Variants in TMOD1 observed in about 807,000 individuals in gnomAD.
The protein encoded by TMOD1 is tropomodulin 1, also known as tropomodulin-1.
TMOD1 carries 17 observed loss-of-function variants against 40.6 expected under a neutral mutation model. The observed-to-expected ratio is 0.42, with a 90% CI of 0.29 to 0.63. The LOEUF (loss-of-function observed/expected upper bound fraction) is 0.63, where lower values mean the gene tolerates loss of function less well. Ranked by LOEUF, TMOD1 falls within the 20% of genes least tolerant of loss-of-function variation. TMOD1 has a pLI of 0.22. For synonymous variants in TMOD1, 181 were observed against 175.0 expected, an observed-to-expected ratio of 1.03 and a Z score of -0.27; for missense variants, 391 against 447.6, an observed-to-expected ratio of 0.87 and a Z score of 1.14.
intron 4 of TMOD1, chr9:97,555,835 A>G: frequency 1.2e-6 from 1 of 824,962 alleles, no homozygotes; most frequent in African/African-American, 1.7e-5. Flanking sequence ...GCCTTGCCCA[A>G]AGGGTTTAAA....
At position 97,501,738 on chromosome 9, in the gene TMOD1, A is replaced by G. The variant is rs1367180237; in HGVS notation, c.-114A>G. ...AGCACCGCGGCCTCCGCCCGCGTCC[A>G]TCTGCCCGCCGCCCGCGCCTGTTCC... On this transcript the variant is annotated 5_prime_UTR_variant, in exon 1 of 10. Coordinates refer to ENST00000259365, the MANE Select transcript of TMOD1 (RefSeq NM_003275.4). 1 of 150,766 alleles carries G rather than the reference A, an allele frequency of 6.6e-6. No individual in the cohort carries two copies. The highest frequency in any genetic ancestry group is 2.5e-5 in the African/African-American group (1 of 40,748). The allele number at this position is 150,766 out of a possible 1,614,324, so 9.3% of individuals were successfully genotyped here. A position where few individuals can be genotyped will look rare whatever the true frequency, so the allele number is the denominator to read the frequency against.
At chr9:97,583,492 G>C (rs1353547961) in intron 8 of TMOD1, among the ~76,000 whole-genome samples, 1 of 151,214 alleles carries the variant, frequency 6.6e-6, no homozygotes, top group Non-Finnish European at 1.5e-5. Flanking sequence ...CCTGGCTTTG[G>C]TATCAGAATG....
chr9:97,527,782 G>A (rs969128634), intron 2 of TMOD1, among the ~76,000 whole-genome samples: 2 of 152,228 alleles, frequency 1.3e-5, no homozygotes, highest in Non-Finnish European at 2.9e-5. Context: ...GTGTCAGGGA[G>A]ATGGGTGAGA....
intron 2 of TMOD1, among the ~76,000 whole-genome samples, chr9:97,529,230 A>C (rs1830062234): frequency 6.6e-6 from 1 of 152,326 alleles, no homozygotes; most frequent in African/African-American, 2.4e-5. Flanking sequence ...GCAGAAGTCC[A>C]GGTTCCAGTC....
At chr9:97,578,046 A>G (rs779585120) in intron 8 of TMOD1, among the ~76,000 whole-genome samples, 2 of 152,054 alleles carry the variant, frequency 1.3e-5, no homozygotes, top group Non-Finnish European at 2.9e-5. Context: ...AGATGCAGGT[A>G]TGAAGCTTCT....
At chr9:97,589,449 T>G (rs1825955524) in intron 8 of TMOD1, among the ~76,000 whole-genome samples, 1 of 150,640 alleles carries the variant, frequency 6.6e-6, no homozygotes, top group African/African-American at 2.4e-5. Context: ...TTTTTGTATT[T>G]TTTTTTTTTT....
intron 2 of TMOD1, among the ~76,000 whole-genome samples, chr9:97,533,503 C>T (rs1387948803): frequency 6.6e-6 from 1 of 152,212 alleles, no homozygotes; most frequent in African/African-American, 2.4e-5. Flanking sequence ...TGAATAATGT[C>T]CTTGGCTTAG....
chr9:97,574,977 C>G (rs1007987897), intron 8 of TMOD1, among the ~76,000 whole-genome samples: 1 of 152,180 alleles, frequency 6.6e-6, no homozygotes, highest in Non-Finnish European at 1.5e-5. Context: ...TAAAATGGAC[C>G]AATCAGCAGG....
intron 1 of TMOD1, among the ~76,000 whole-genome samples, chr9:97,505,115 C>T (rs1045602037): frequency 1.3e-5 from 2 of 152,182 alleles, no homozygotes; most frequent in African/African-American, 2.4e-5. Context: ...ACTTAGGACA[C>T]GGTCTGGGAG....
chr9:97,514,809 G>A (rs1198895320), intron 1 of TMOD1, among the ~76,000 whole-genome samples: 1 of 152,250 alleles, frequency 6.6e-6, no homozygotes, highest in African/African-American at 2.4e-5. Flanking sequence ...AAAGGATTGT[G>A]TTGCGGCAGC....
At chr9:97,565,203 C>T (rs987565189) in intron 6 of TMOD1, among the ~76,000 whole-genome samples, 54 of 152,232 alleles carry the variant, frequency 3.5e-4, no homozygotes, top group Admixed American at 3.5e-3. Context: ...TCAGTTTCTC[C>T]TCTGCACTGT....
Position 97,599,627 on chromosome 9 carries a change from T to C in TMOD1, c.1016-7T>C. ...GTGCCTTATATCTTATCTCCATTCCTTTCCAGTGAGGAAGAGGAGGCTTGC... is the reference window on the plus strand; with the variant it reads ...GTGCCTTATATCTTATCTCCATTCCCTTCCAGTGAGGAAGAGGAGGCTTGC... On this transcript the variant is annotated splice_polypyrimidine_tract_variant and splice_region_variant and intron_variant, in intron 9 of 9. Transcript: ENST00000259365. The C allele has an allele frequency of 6.2e-7, 1 of 1,614,140 alleles. No individual in the cohort carries two copies. The highest frequency in any genetic ancestry group is 1.3e-5 in the African/African-American group (1 of 75,052).
chr9:97,553,213 G>C lies in TMOD1; in HGVS notation c.278-68G>C. The C allele has an allele frequency of 6.2e-6, 10 of 1,606,478 alleles. No homozygotes were observed. In the South Asian group the frequency reaches 1.1e-4, roughly 18 times the overall value. On this transcript the variant is annotated intron_variant, in intron 3 of 9. Coordinates refer to ENST00000259365, the MANE Select transcript of TMOD1 (RefSeq NM_003275.4). ...CAGGGCTCTACAATGGTCCACGCAG[G>C]GCTGTGGGTCCACCAGAGGCTGTTC... is the stretch of plus-strand genomic sequence containing the variant.
At chr9:97,547,499 G>A (rs1830383473) in intron 3 of TMOD1, among the ~76,000 whole-genome samples, 1 of 152,188 alleles carries the variant, frequency 6.6e-6, no homozygotes, top group Admixed American at 6.5e-5. Flanking sequence ...TTCCTTCTCT[G>A]TAAAACAGGG....
chr9:97,600,725 C>CT lies in TMOD1; in HGVS notation c.*1028dup. On this transcript the variant is annotated 3_prime_UTR_variant, in exon 10 of 10. Transcript: ENST00000259365. Reference sequence around the variant, plus strand: ...AGGATGCCGGACAATGGTGAAGAAACTCCAGATATCAAGGAATTGGGAAAT... The same window carrying CT: ...AGGATGCCGGACAATGGTGAAGAAACTTCCAGATATCAAGGAATTGGGAAAT... 9.9e-7 allele frequency: 1 copy of CT among 1,007,330 alleles called. No individual in the cohort carries two copies. Among genetic ancestry groups the CT allele is most frequent in the Non-Finnish European group, 1.2e-6 (1 of 843,148 alleles). 62.4% of individuals were successfully genotyped at this position (1,007,330 alleles called of 1,614,324 possible). A position where few individuals can be genotyped will look rare whatever the true frequency, so the allele number is the denominator to read the frequency against.
chr9:97,586,679 C>T (rs1285243891), intron 8 of TMOD1, among the ~76,000 whole-genome samples: 10 of 152,052 alleles, frequency 6.6e-5, no homozygotes, highest in East Asian at 5.8e-4. Flanking sequence ...TAGGACCCTC[C>T]GAGCCAGGTG....
chr9:97,575,027 C>G (rs1587953088), intron 8 of TMOD1, among the ~76,000 whole-genome samples: 1 of 152,166 alleles, frequency 6.6e-6, no homozygotes, highest in Admixed American at 6.5e-5. Flanking sequence ...AGCAGGCTGC[C>G]GGATAACGCA....
chr9:97,564,821 C>T (rs1043919390), intron 6 of TMOD1, among the ~76,000 whole-genome samples: 3 of 151,798 alleles, frequency 2.0e-5, no homozygotes, highest in African/African-American at 7.3e-5. Context: ...TTTCTACCCA[C>T]CTGCTGAGCC....
chr9:97,562,741 G>A lies in TMOD1; in HGVS notation c.407G>A (p.Gly136Asp). Residue 136 changes from glycine to aspartate, a missense_variant, in exon 5 of 10, where the codon GGC (glycine) becomes GAC (aspartate). Physicochemically the swap from Gly to Asp is moderately conservative, Grantham distance 94. Transcript: ENST00000259365. ...TCCCTTGTCCCTGCAGCGATCCTGG[G>A]CATGCACACGCTCATGAGTAACCAG... ...AELCDIAAIL[G>D]MHTLMSNQQY... is the part of the protein sequence containing the mutation. The A allele has an allele frequency of 1.3e-6, 2 of 1,556,288 alleles. No individual in the cohort carries two copies. The highest frequency in any genetic ancestry group is 1.2e-5 in the South Asian group (1 of 81,638).
Sources: gnomAD v4.1 joint callset for allele counts (sites outside exome capture counted in the v4.1 genomes callset) on GRCh38, gnomAD v4.1.1 for gene constraint, MANE v1.5 for transcripts, NCBI Gene and HGNC (gene_info 2026-07-23, HGNC 2026-07-21) for gene names.